Variants in ZSCAN32 observed in about 807,000 individuals in gnomAD.
The protein encoded by ZSCAN32 is zinc finger and SCAN domain containing 32, also known as zinc finger and SCAN domain-containing protein 32.
A neutral mutation model predicts 47.4 loss-of-function variants in ZSCAN32; 52 were observed. The ratio of observed to expected loss-of-function variants is 1.10; its 90% CI spans 0.88 to 1.38. The LOEUF is 1.38. ZSCAN32 is among the 40% of genes most tolerant of loss of function. The pLI, the probability that ZSCAN32 is intolerant of heterozygous loss-of-function variation, is 0.00. For synonymous variants in ZSCAN32, 346 were observed against 305.7 expected, an observed-to-expected ratio of 1.13 and a Z score of -1.38; for missense variants, 959 against 846.0, an observed-to-expected ratio of 1.13 and a Z score of -1.66.
chr16:3,395,676 C>T (rs1232487205), intron 2 of ZSCAN32, among the ~76,000 whole-genome samples: 1 of 152,148 alleles, frequency 6.6e-6, no homozygotes, highest in Non-Finnish European at 1.5e-5. Context: ...GGTGTTTAAC[C>T]TATACACTCC....
chr16:3,384,317 T>C, intron 6 of ZSCAN32, 142 bp downstream of exon 6: 1 of 1,292,576 alleles, frequency 7.7e-7, no homozygotes, highest in Non-Finnish European at 1.1e-6. Flanking sequence ...TTTAACTCCA[T>C]GAAAACCAAA....
intron 2 of ZSCAN32, among the ~76,000 whole-genome samples, 154 bp downstream of exon 2, chr16:3,397,038 T>C (rs1316493515): frequency 2.6e-5 from 4 of 152,192 alleles, no homozygotes; most frequent in Non-Finnish European, 4.4e-5. Flanking sequence ...ATTCTTCCCG[T>C]ATTATAAGGG....
chr16:3,384,337 G>A (rs1054501218), intron 6 of ZSCAN32, 122 bp downstream of exon 6: 1 of 1,395,960 alleles, frequency 7.2e-7, no homozygotes, highest in Admixed American at 2.1e-5. Flanking sequence ...AACTTGGATA[G>A]GGTCACACAT....
intron 6 of ZSCAN32, chr16:3,383,980 G>A (rs1256810417): frequency 6.3e-6 from 3 of 477,198 alleles, no homozygotes; most frequent in Non-Finnish European, 1.1e-5. Context: ...AAGACATTAA[G>A]CACTATATCA....
chr16:3,400,705 G>T (rs561995313), intron 1 of ZSCAN32, among the ~76,000 whole-genome samples: 1 of 152,232 alleles, frequency 6.6e-6, no homozygotes, highest in Non-Finnish European at 1.5e-5. Context: ...CAGGGTCAAG[G>T]CCAGGGGGTC....
In ZSCAN32 at chr16:3,390,525, A is replaced by C. The variant is rs1465879097; in HGVS notation, c.533-8T>G. ...CCTGAGGAGCAAGCCAGGCTGGGGG[A>C]AAAAACAGCCGCTATTAGAGGGCGG... On this transcript the variant is annotated splice_region_variant and splice_polypyrimidine_tract_variant and intron_variant, in intron 3 of 6. Transcript: ENST00000396852. 9 of 1,547,326 alleles carry C rather than the reference A, an allele frequency of 5.8e-6. No homozygotes were observed. Among genetic ancestry groups the C allele is most frequent in the African/African-American group, 2.7e-5 (2 of 72,904 alleles).
intron 3 of ZSCAN32, among the ~76,000 whole-genome samples, chr16:3,393,166 AT>A (rs1291236106): frequency 1.0e-5 from 1 of 99,238 alleles, no homozygotes; most frequent in Non-Finnish European, 1.8e-5. Context: ...ATATATATAT[AT>A]TTCTATATAT....
intron 5 of ZSCAN32, among the ~76,000 whole-genome samples, chr16:3,385,744 T>G (rs1266198971): frequency 2.0e-5 from 3 of 152,196 alleles, no homozygotes; most frequent in South Asian, 2.1e-4. Flanking sequence ...TAGCCATATG[T>G]AGAAAGCTGA....
rs774027719 is a variant in ZSCAN32 at position 3,384,567 on chromosome 16, C to G, written c.1126G>C (p.Val376Leu). Residue 376 changes from valine (V) to leucine (L), a missense_variant, in exon 6 of 7, where the codon GTA becomes CTA. Val to Leu is a conservative substitution (Grantham distance 32). Coordinates refer to ENST00000396852, the MANE Select transcript of ZSCAN32 (RefSeq NM_001284527.2). Reference sequence around the variant, plus strand: ...GCACCATCCACAGTGCCATCTTCTACCTCCGTGGGTTCCCCATTCTGGTGA... The same window carrying G: ...GCACCATCCACAGTGCCATCTTCTAGCTCCGTGGGTTCCCCATTCTGGTGA... ...LNHQNGEPTEVEDGTVDGADR... is the reference protein window; with the variant it reads ...LNHQNGEPTELEDGTVDGADR... 1 of 1,614,188 alleles carries G rather than the reference C, an allele frequency of 6.2e-7. No individual in the cohort carries two copies. The highest frequency in any genetic ancestry group is 1.7e-5 in the Admixed American group (1 of 60,020).
intron 3 of ZSCAN32, 41 bp from the exon 4 acceptor site, chr16:3,390,558 A>G (rs1464556579): frequency 2.7e-6 from 4 of 1,480,950 alleles, no homozygotes; most frequent in Non-Finnish European, 3.7e-6. Flanking sequence ...CGGCTTCCAC[A>G]CAACAGCACA....
At chr16:3,385,027 A>C (rs918509457) in intron 5 of ZSCAN32, 86 bp from the exon 6 acceptor site, 8 of 1,476,042 alleles carry the variant, frequency 5.4e-6, no homozygotes, top group Non-Finnish European at 6.3e-6. Context: ...TTGGCAGCTT[A>C]AAAAGTTACA....
chr16:3,397,616 T>C lies in ZSCAN32; in HGVS notation c.-59A>G. ...CTTCTACCCTGGAGATCAGAGTCCA[T>C]CTTTCCCACATCACTGGGAAGCCAT... On this transcript the variant is annotated 5_prime_UTR_variant, in exon 2 of 7. It removes an upstream start codon present in the reference 5' UTR. Coordinates refer to ENST00000396852, the MANE Select transcript of ZSCAN32 (RefSeq NM_001284527.2). 7.6e-6 allele frequency: 11 copies of C among 1,456,142 alleles called. No individual in the cohort carries two copies. The highest frequency in any genetic ancestry group is 1.0e-5 in the Non-Finnish European group (11 of 1,102,824). 90.2% of individuals were successfully genotyped at this position (1,456,142 alleles called of 1,614,324 possible).
At position 3,397,987 on chromosome 16, in the gene ZSCAN32, C is replaced by T. The variant is rs567253069; in HGVS notation, c.-187-243G>A. Among the ~76,000 whole-genome samples the T allele has an allele frequency of 3.5e-4, 53 of 152,324 alleles. 2 individuals carry two copies. The South Asian group carries it at 0.011, about 30-fold the overall frequency. ...CTCCATCTTGCTTTTAACCTCCAAA[C>T]TGCCGTTGGTCATTCCTGGGTGTGG... On this transcript the variant is annotated intron_variant, in intron 1 of 6. Transcript: ENST00000396852.
rs774027719 is a variant in ZSCAN32 at position 3,384,567 on chromosome 16, C to A, written c.1126G>T (p.Val376Leu). The A allele has an allele frequency of 1.1e-5, 17 of 1,614,188 alleles. No individual in the cohort carries two copies. The highest frequency in any genetic ancestry group is 1.4e-5 in the Non-Finnish European group (16 of 1,180,034). The part of the protein sequence containing the change: ...LNHQNGEPTE[V>L]EDGTVDGADR... Reference sequence around the variant, plus strand: ...GCACCATCCACAGTGCCATCTTCTACCTCCGTGGGTTCCCCATTCTGGTGA... The same window carrying A: ...GCACCATCCACAGTGCCATCTTCTAACTCCGTGGGTTCCCCATTCTGGTGA... The change falls in exon 6 of 7, where the codon GTA becomes TTA. Residue 376 changes from valine (V) to leucine (L), a missense_variant. Coordinates refer to ENST00000396852, the MANE Select transcript of ZSCAN32 (RefSeq NM_001284527.2).
intron 5 of ZSCAN32, among the ~76,000 whole-genome samples, chr16:3,386,067 G>C (rs1190482839): frequency 6.6e-6 from 1 of 152,104 alleles, no homozygotes; most frequent in African/African-American, 2.4e-5. Flanking sequence ...CTAATATCCA[G>C]AATCTACAAT....
chr16:3,393,803 A>T lies in ZSCAN32; in HGVS notation c.378T>A (p.Ser126=). 4.5e-6 allele frequency: 7 copies of T among 1,549,388 alleles called. No individual in the cohort carries two copies. Among genetic ancestry groups the T allele is most frequent in the Non-Finnish European group, 6.1e-6 (7 of 1,146,164 alleles). ...QRAPGQQVLD[S]EKDLKVLMKE... ...TCATGAGTACTTTCAAGTCCTTCTC[A>T]GAATCTAGAACCTGAGAACAGACCC... The change falls in exon 3 of 7, where the codon TCT becomes TCA. Residue 126 remains serine, a synonymous_variant. Coordinates refer to ENST00000396852, the MANE Select transcript of ZSCAN32 (RefSeq NM_001284527.2).
intron 2 of ZSCAN32, among the ~76,000 whole-genome samples, chr16:3,396,107 T>C (rs556640488): frequency 1.3e-5 from 2 of 152,314 alleles, no homozygotes; most frequent in African/African-American, 2.4e-5. Flanking sequence ...AGGATGACTC[T>C]TGGCATACTG....
chr16:3,393,818 A>G lies in ZSCAN32; in HGVS notation c.367-4T>C. ...AGTCCTTCTCAGAATCTAGAACCTG[A>G]GAACAGACCCCATTATCTATCACTA... On this transcript the variant is annotated splice_polypyrimidine_tract_variant and splice_region_variant and intron_variant, in intron 2 of 6. Coordinates refer to ENST00000396852, the MANE Select transcript of ZSCAN32 (RefSeq NM_001284527.2). 6.5e-7 allele frequency: 1 copy of G among 1,544,412 alleles called. No individual in the cohort carries two copies. The highest frequency in any genetic ancestry group is 8.8e-7 in the Non-Finnish European group (1 of 1,142,580).
intron 2 of ZSCAN32, among the ~76,000 whole-genome samples, chr16:3,394,496 T>C (rs1299588394): frequency 1.3e-5 from 2 of 152,142 alleles, no homozygotes; most frequent in Non-Finnish European, 2.9e-5. Flanking sequence ...TCCTCTCTCT[T>C]CACCTCATGG....
Sources: gnomAD v4.1 joint callset for allele counts (sites outside exome capture counted in the v4.1 genomes callset) on GRCh38, gnomAD v4.1.1 for gene constraint, MANE v1.5 for transcripts, NCBI Gene and HGNC (gene_info 2026-07-23, HGNC 2026-07-21) for gene names.